The following GNA14 variants were observed in gnomAD, a reference collection of about 807,000 sequenced individuals.
GNA14 encodes the protein G protein subunit alpha 14, also known as guanine nucleotide-binding protein subunit alpha-14.
A neutral mutation model predicts 42.0 loss-of-function variants in GNA14; 50 were observed. The observed-to-expected ratio is 1.19, with a 90% CI of 0.95 to 1.51. The LOEUF is 1.51. Among genes scored for constraint, GNA14 ranks in the 40% most tolerant of loss-of-function variants. The pLI is 0.00. For synonymous variants in GNA14, 173 were observed against 163.1 expected, an observed-to-expected ratio of 1.06 and a Z score of -0.46; for missense variants, 473 against 446.2, an observed-to-expected ratio of 1.06 and a Z score of -0.54.
At chr9:77,539,669 C>A (rs1837636393) in intron 1 of GNA14, among the ~76,000 whole-genome samples, 1 of 152,144 alleles carries the variant, frequency 6.6e-6, no homozygotes. Context: ...ATTTTTATTA[C>A]TGATTCAATC....
At chr9:77,502,341 T>C (rs1440343059) in intron 2 of GNA14, among the ~76,000 whole-genome samples, 1 of 152,236 alleles carries the variant, frequency 6.6e-6, no homozygotes, top group African/African-American at 2.4e-5. Flanking sequence ...ATAGTCACTT[T>C]CCATTGACTC....
chr9:77,490,748 C>T (rs1012418506), intron 2 of GNA14, among the ~76,000 whole-genome samples: 1 of 152,226 alleles, frequency 6.6e-6, no homozygotes, highest in Non-Finnish European at 1.5e-5. Context: ...AGCCCCGGTT[C>T]CTGCTCACGC....
intron 2 of GNA14, among the ~76,000 whole-genome samples, chr9:77,496,501 G>T (rs1449919958): frequency 6.6e-6 from 1 of 152,194 alleles, no homozygotes; most frequent in Non-Finnish European, 1.5e-5. Context: ...TATAGGAGTG[G>T]CTGAGGGAAG....
At chr9:77,542,304 A>G (rs1402844977) in intron 1 of GNA14, among the ~76,000 whole-genome samples, 1 of 152,174 alleles carries the variant, frequency 6.6e-6, no homozygotes, top group Non-Finnish European at 1.5e-5. Context: ...AGCTGTAAAC[A>G]GTGTCAATGG....
At chr9:77,599,820 G>T (rs1823526990) in intron 1 of GNA14, among the ~76,000 whole-genome samples, 2 of 152,138 alleles carry the variant, frequency 1.3e-5, no homozygotes, top group Admixed American at 6.5e-5. Context: ...AAGATTATAG[G>T]TGTCCGTCTC....
In GNA14 at chr9:77,627,483, G is replaced by A. The variant is rs184597608; in HGVS notation, c.124+20187C>T. On this transcript the variant is annotated intron_variant, in intron 1 of 6. Coordinates refer to ENST00000341700, the MANE Select transcript of GNA14 (RefSeq NM_004297.4). ...TCAGGCACCTGATGAACATCAATGC[G>A]AAAATCCTCAATAAAATACTGGCAA... Among the ~76,000 whole-genome samples the A allele has an allele frequency of 6.6e-5, 10 of 152,184 alleles. No homozygotes were observed. The East Asian group carries it at 1.7e-3, about 26-fold the overall frequency.
intron 2 of GNA14, among the ~76,000 whole-genome samples, chr9:77,487,814 G>T (rs1203483359): frequency 6.6e-6 from 1 of 152,206 alleles, no homozygotes; most frequent in Non-Finnish European, 1.5e-5. Context: ...TCCTGAGCAT[G>T]ATCTAGTCTC....
At chr9:77,575,730 C>T (rs957127121) in intron 1 of GNA14, among the ~76,000 whole-genome samples, 3 of 152,156 alleles carry the variant, frequency 2.0e-5, no homozygotes, top group African/African-American at 7.2e-5. Flanking sequence ...TTACCATTTT[C>T]TATTGGTTTT....
intron 1 of GNA14, among the ~76,000 whole-genome samples, chr9:77,551,496 T>C (rs548490560): frequency 9.6e-5 from 14 of 146,170 alleles, no homozygotes; most frequent in African/African-American, 3.2e-4. Flanking sequence ...ATCATATACA[T>C]GCGCAGACAC....
rs140814837 is a variant in GNA14, at chr9:77,548,035, G to A, written c.125-18782C>T. On this transcript the variant is annotated intron_variant, in intron 1 of 6. Coordinates refer to ENST00000341700, the MANE Select transcript of GNA14 (RefSeq NM_004297.4). ...AATCTTTGAGACATTGGTGAACTTA[G>A]TGGCATTTCTATTAATAAGGAGAAA... Among the ~76,000 whole-genome samples the A allele has an allele frequency of 7.2e-5, 11 of 152,324 alleles. No individual in the cohort carries two copies. The East Asian group carries it at 2.1e-3, about 29-fold the overall frequency.
chr9:77,480,111 G>A (rs1310943959), intron 2 of GNA14, among the ~76,000 whole-genome samples: 1 of 152,110 alleles, frequency 6.6e-6, no homozygotes, highest in African/African-American at 2.4e-5. Flanking sequence ...GTGAGAGAGG[G>A]CATCCCTGTC....
intron 1 of GNA14, among the ~76,000 whole-genome samples, chr9:77,582,438 G>A (rs558976425): frequency 6.6e-6 from 1 of 152,262 alleles, no homozygotes; most frequent in African/African-American, 2.4e-5. Flanking sequence ...TGACCGCCAG[G>A]ATAGAGTCCA....
Position 77,428,369 on chromosome 9 carries a change from G to A in GNA14, c.723+538C>T, listed in dbSNP as rs546941579. Among the ~76,000 whole-genome samples the A allele has an allele frequency of 2.6e-4, 40 of 151,968 alleles. No homozygotes were observed. In the East Asian group the frequency reaches 6.2e-3, roughly 24 times the overall value. ...GCTGGGATTACAGGCGTGAGCCACC[G>A]TGCCCAGCCAAGAGATGGCATTTTT... On this transcript the variant is annotated intron_variant, in intron 5 of 6. Transcript: ENST00000341700.
chr9:77,605,676 A>C (rs1357349731), intron 1 of GNA14, among the ~76,000 whole-genome samples: 2 of 152,238 alleles, frequency 1.3e-5, no homozygotes, highest in African/African-American at 2.4e-5. Flanking sequence ...GCACAGAAAG[A>C]GAAATATAGC....
chr9:77,426,041 G>C (rs1835449342), intron 5 of GNA14, among the ~76,000 whole-genome samples: 1 of 152,174 alleles, frequency 6.6e-6, no homozygotes, highest in South Asian at 2.1e-4. Flanking sequence ...CGTTTCACAA[G>C]TTTCCTGTGT....
At chr9:77,629,874 A>AT in intron 1 of GNA14, among the ~76,000 whole-genome samples, 1 of 152,212 alleles carries the variant, frequency 6.6e-6, no homozygotes, top group East Asian at 1.9e-4. Flanking sequence ...AACTTAAAGT[A>AT]TAAAAAAAAG....
At chr9:77,518,191 G>A (rs1417615021) in intron 2 of GNA14, 1 of 152,054 alleles carries the variant, frequency 6.6e-6, no homozygotes, top group Non-Finnish European at 1.5e-5. Flanking sequence ...GAGAGTTTTG[G>A]GGAGCCACCC....
In GNA14 at chr9:77,457,756, T is replaced by C. The variant is rs1302254494; in HGVS notation, c.310-23234A>G. Among the ~76,000 whole-genome samples, 4 of 152,196 alleles carry C rather than the reference T, an allele frequency of 2.6e-5. No homozygotes were observed. In the East Asian group the frequency reaches 7.7e-4, roughly 29 times the overall value. On this transcript the variant is annotated intron_variant, in intron 2 of 6. Coordinates refer to ENST00000341700, the MANE Select transcript of GNA14 (RefSeq NM_004297.4). ...TCTTAATAAATTTTCAAAATCCTGCTCCAATGATAATTCAAGTCTAGTTTT... is the reference window on the plus strand; with the variant it reads ...TCTTAATAAATTTTCAAAATCCTGCCCCAATGATAATTCAAGTCTAGTTTT...
chr9:77,612,329 G>T (rs1354135361), intron 1 of GNA14, among the ~76,000 whole-genome samples: 2 of 152,040 alleles, frequency 1.3e-5, no homozygotes. Context: ...GGTAGCCAAG[G>T]TGCCACAGGC....
Sources: allele counts gnomAD v4.1 joint callset (sites outside exome capture counted in the v4.1 genomes callset), GRCh38; gene constraint gnomAD v4.1.1; transcripts MANE v1.5; gene names NCBI Gene and HGNC (gene_info 2026-07-23, HGNC 2026-07-21).